LHPP: variants seen among roughly 807,000 people sequenced by gnomAD.
LHPP encodes the protein hLHPP.
Under a neutral mutation model 30.3 loss-of-function variants are expected in LHPP, and 24 were observed. That is an observed-to-expected ratio of 0.79 (90% CI 0.57 to 1.11). The LOEUF (loss-of-function observed/expected upper bound fraction) is 1.11. Among genes scored for constraint, LHPP ranks in the 50% most tolerant of loss-of-function variants. The pLI is 0.00. For missense variants in LHPP, 356 were observed against 367.2 expected, an observed-to-expected ratio of 0.97 and a Z score of 0.25; for synonymous variants, 150 against 157.1, an observed-to-expected ratio of 0.95 and a Z score of 0.34.
chr10:124,598,195 C>G (rs1948974902), intron 6 of LHPP, among the ~76,000 whole-genome samples: 1 of 152,250 alleles, frequency 6.6e-6, no homozygotes. Flanking sequence ...TGGGAGGACT[C>G]TCAATGATTG....
rs962561118 is a variant in LHPP at position 124,523,303 on chromosome 10, C to T, written c.716+6032C>T. Among the ~76,000 whole-genome samples, 1 of 152,188 alleles carries T rather than the reference C, an allele frequency of 6.6e-6. No homozygotes were observed. Among genetic ancestry groups the T allele is most frequent in the African/African-American group, 2.4e-5 (1 of 41,436 alleles). On this transcript the variant is annotated intron_variant, in intron 6 of 6. Transcript: ENST00000368842. The surrounding 1 kb of genome is among the most constrained non-coding windows in gnomAD (Gnocchi z 4.2). ...GTGGCCTGGGTGCTGAAGGGGTTTCCCCCCAGTGGGGTGGCCAGCCGATCT... is the reference window on the plus strand; with the variant it reads ...GTGGCCTGGGTGCTGAAGGGGTTTCTCCCCAGTGGGGTGGCCAGCCGATCT...
intron 6 of LHPP, among the ~76,000 whole-genome samples, chr10:124,533,456 C>T (rs562597355): frequency 1.3e-4 from 20 of 152,304 alleles, no homozygotes; most frequent in African/African-American, 4.6e-4. Context: ...GGAGGCTTCC[C>T]TTACTTCCGA....
chr10:124,574,433 G>A lies in LHPP; in HGVS notation c.717-38831G>A, dbSNP rs370210710. Among the ~76,000 whole-genome samples the A allele has an allele frequency of 7.0e-4, 107 of 152,330 alleles. 2 individuals are homozygous for A. The South Asian group carries it at 0.02, about 29-fold the overall frequency. Reference sequence around the variant, plus strand: ...CCAGAACTTCACAGGCAGAGAGCCTGGCTCGAGGATGGGCGGGAGCTCAGT... The same window carrying A: ...CCAGAACTTCACAGGCAGAGAGCCTAGCTCGAGGATGGGCGGGAGCTCAGT... On this transcript the variant is annotated intron_variant, in intron 6 of 6. Coordinates refer to ENST00000368842, the MANE Select transcript of LHPP (RefSeq NM_022126.4).
chr10:124,544,203 C>T (rs945720280), intron 6 of LHPP, among the ~76,000 whole-genome samples: 3 of 148,958 alleles, frequency 2.0e-5, no homozygotes. Context: ...CCCGGCATCA[C>T]CCACCGGGGA....
chr10:124,526,319 G>A (rs1954734722), intron 6 of LHPP: 2 of 805,710 alleles, frequency 2.5e-6, no homozygotes, highest in South Asian at 5.6e-5. Context: ...GCCTCAGCTC[G>A]TCTACACCCT....
At chr10:124,572,105 A>T (rs1179503333) in intron 6 of LHPP, among the ~76,000 whole-genome samples, 1 of 152,156 alleles carries the variant, frequency 6.6e-6, no homozygotes, top group Non-Finnish European at 1.5e-5. Context: ...CAGGGCTGGC[A>T]GGCCTGCCGA....
intron 6 of LHPP, among the ~76,000 whole-genome samples, chr10:124,538,012 G>GC (rs1375749432): frequency 6.6e-6 from 1 of 152,230 alleles, no homozygotes; most frequent in Non-Finnish European, 1.5e-5. Flanking sequence ...CCAAGGCACT[G>GC]CCATTCCAGG....
intron 6 of LHPP, among the ~76,000 whole-genome samples, chr10:124,533,823 C>A (rs2133934906): frequency 6.6e-6 from 1 of 152,338 alleles, no homozygotes; most frequent in African/African-American, 2.4e-5. Flanking sequence ...GGGCCCCAGC[C>A]CAGGGCCAGA....
chr10:124,534,152 C>T (rs1454985131), intron 6 of LHPP, among the ~76,000 whole-genome samples: 1 of 152,190 alleles, frequency 6.6e-6, no homozygotes, highest in Admixed American at 6.5e-5. Flanking sequence ...GTGAGTGTGA[C>T]GCAGGAGAGT....
chr10:124,511,172 A>G (rs974606942), intron 5 of LHPP, among the ~76,000 whole-genome samples: 4 of 152,210 alleles, frequency 2.6e-5, no homozygotes, highest in East Asian at 1.9e-4. Context: ...CACTAGCTCT[A>G]TTTACTTCAC....
intron 1 of LHPP, among the ~76,000 whole-genome samples, chr10:124,466,986 T>C (rs534692376): frequency 1.3e-5 from 2 of 151,146 alleles, no homozygotes; most frequent in African/African-American, 4.9e-5. Flanking sequence ...TAGCCGGGCA[T>C]GGTGGTGCAC....
chr10:124,532,474 T>G (rs1954922746), intron 6 of LHPP, among the ~76,000 whole-genome samples: 1 of 152,264 alleles, frequency 6.6e-6, no homozygotes, highest in African/African-American at 2.4e-5. Flanking sequence ...ACAGGGTTCC[T>G]TCTCACCTCA....
chr10:124,576,487 A>ACTCCC lies in LHPP; in HGVS notation c.717-36776_717-36772dup, dbSNP rs60026596. 0.47 allele frequency among the ~76,000 whole-genome samples: 66,580 copies of ACTCCC among 141,236 alleles called. 15,838 individuals carry two copies. Among genetic ancestry groups the ACTCCC allele is most frequent in the African/African-American group, 0.57 (21,390 of 37,360 alleles). The allele number at this position is 141,236 out of a possible 152,430, so 92.7% of individuals were successfully genotyped here. ...TCCAGAACCCCTATATCTTGCTCCC[A>ACTCCC]CTCCCTACCATATGCTGTTCCCAGA... On this transcript the variant is annotated intron_variant, in intron 6 of 6. Coordinates refer to ENST00000368842, the MANE Select transcript of LHPP (RefSeq NM_022126.4). The surrounding 1 kb of genome is among the most constrained non-coding windows in gnomAD (Gnocchi z 4.2).
rs1030043873 is a variant in LHPP at position 124,502,868 on chromosome 10, G to C, written c.624+4740G>C. Among the ~76,000 whole-genome samples the C allele has an allele frequency of 4.0e-5, 6 of 150,722 alleles. No individual in the cohort carries two copies. The East Asian group carries it at 1.2e-3, about 30-fold the overall frequency. On this transcript the variant is annotated intron_variant, in intron 5 of 6. Transcript: ENST00000368842. Reference sequence around the variant, plus strand: ...ATTTTTGTATTTTTAGTAGAGACAGGGTTTCTCCATGTTGGCCAGGCTTGT... The same window carrying C: ...ATTTTTGTATTTTTAGTAGAGACAGCGTTTCTCCATGTTGGCCAGGCTTGT...
chr10:124,591,377 C>G (rs531545210), intron 6 of LHPP, among the ~76,000 whole-genome samples: 6 of 152,252 alleles, frequency 3.9e-5, no homozygotes, highest in Admixed American at 1.3e-4. Flanking sequence ...CCCCCACCAC[C>G]TCCCCTGCCA....
chr10:124,594,744 C>T (rs1948921962), intron 6 of LHPP, among the ~76,000 whole-genome samples: 1 of 152,040 alleles, frequency 6.6e-6, no homozygotes, highest in African/African-American at 2.4e-5. Context: ...AATTCTCCTG[C>T]CTCAGCCTCC....
At chr10:124,578,753 C>T (rs1043423590) in intron 6 of LHPP, among the ~76,000 whole-genome samples, 4 of 152,190 alleles carry the variant, frequency 2.6e-5, no homozygotes, top group African/African-American at 9.6e-5. Flanking sequence ...GCATCTCTGC[C>T]CTCCCCGCTT....
At chr10:124,555,391 G>A (rs1374107610) in intron 6 of LHPP, among the ~76,000 whole-genome samples, 1 of 152,208 alleles carries the variant, frequency 6.6e-6, no homozygotes, top group African/African-American at 2.4e-5. Context: ...GGGAGGAAGG[G>A]AGGGTCCCTG....
At chr10:124,550,758 A>G (rs1948148500) in intron 6 of LHPP, among the ~76,000 whole-genome samples, 1 of 152,194 alleles carries the variant, frequency 6.6e-6, no homozygotes. Context: ...CTGGAATGCC[A>G]GCTGGGGGCA....
Sources: allele counts gnomAD v4.1 joint callset (sites outside exome capture counted in the v4.1 genomes callset), GRCh38; gene constraint gnomAD v4.1.1; non-coding constraint Gnocchi (gnomAD v3.1); transcripts MANE v1.5; gene names NCBI Gene and HGNC (gene_info 2026-07-23, HGNC 2026-07-21).